SLC35D4: variants seen among roughly 807,000 people sequenced by gnomAD.
SLC35D4 encodes the protein solute carrier family 35 member D4.
chr18:23,255,479 T>C, the SLC35D4 span, among the ~76,000 whole-genome samples: 2 of 152,046 alleles, frequency 1.3e-5, no homozygotes, highest in African/African-American at 4.8e-5. Context: ...AGTAAATACA[T>C]GAACCCAGAA....
the SLC35D4 span, chr18:23,368,889 T>A: frequency 1.2e-5 from 7 of 577,530 alleles, no homozygotes; most frequent in Non-Finnish European, 2.1e-5. Flanking sequence ...GGGAAAAGTA[T>A]TTAATATTCA....
the SLC35D4 span, among the ~76,000 whole-genome samples, chr18:23,351,454 G>T: frequency 6.6e-6 from 1 of 151,908 alleles, no homozygotes; most frequent in Non-Finnish European, 1.5e-5. Context: ...AAATGCATGG[G>T]GGTGAAAATA....
the SLC35D4 span, among the ~76,000 whole-genome samples, chr18:23,304,433 TAATAA>T: frequency 6.8e-6 from 1 of 147,750 alleles, no homozygotes; most frequent in East Asian, 1.9e-4. Context: ...AAATGTAATA[TAATAA>T]AATATATATA....
the SLC35D4 span, among the ~76,000 whole-genome samples, chr18:23,426,614 T>G: frequency 6.6e-6 from 1 of 152,298 alleles, no homozygotes; most frequent in Admixed American, 6.5e-5. Flanking sequence ...ATAGATTCAA[T>G]GCCATCCCCA....
At chr18:23,325,736 A>G in the SLC35D4 span, among the ~76,000 whole-genome samples, 1 of 152,190 alleles carries the variant, frequency 6.6e-6, no homozygotes, top group Non-Finnish European at 1.5e-5. Flanking sequence ...TCCAATGTAT[A>G]AAGTACCCCT....
chr18:23,285,971 T>C, the SLC35D4 span, among the ~76,000 whole-genome samples: 7 of 152,284 alleles, frequency 4.6e-5, no homozygotes, highest in East Asian at 1.4e-3. Flanking sequence ...CGTTCATGGC[T>C]CGTTTGGCAG....
At chr18:23,319,357 G>A in the SLC35D4 span, among the ~76,000 whole-genome samples, 1 of 151,712 alleles carries the variant, frequency 6.6e-6, no homozygotes, top group Non-Finnish European at 1.5e-5. Context: ...TGCAACCTCT[G>A]CCTCCTAGGT....
At chr18:23,313,357 C>G in the SLC35D4 span, among the ~76,000 whole-genome samples, 2 of 150,310 alleles carry the variant, frequency 1.3e-5, no homozygotes, top group African/African-American at 4.9e-5. Context: ...AAGCCCAAAA[C>G]AAGCATTTAA....
the SLC35D4 span, among the ~76,000 whole-genome samples, chr18:23,251,490 A>G: frequency 6.6e-6 from 1 of 152,110 alleles, no homozygotes; most frequent in Non-Finnish European, 1.5e-5. Context: ...AGTCAGCCAA[A>G]AAAGACCCAG....
At chr18:23,413,956 TAA>T in the SLC35D4 span, among the ~76,000 whole-genome samples, 1 of 133,436 alleles carries the variant, frequency 7.5e-6, no homozygotes, top group Admixed American at 7.8e-5. Context: ...AAAAAAAAAT[TAA>T]AAAAAAAAAA....
chr18:23,341,748 G>C, the SLC35D4 span, among the ~76,000 whole-genome samples: 1 of 152,160 alleles, frequency 6.6e-6, no homozygotes, highest in Admixed American at 6.5e-5. Flanking sequence ...GAGAGAGAGA[G>C]GGGAGATTGC....
At chr18:23,298,138 C>T in the SLC35D4 span, 1 of 1,576,216 alleles carries the variant, frequency 6.3e-7, no homozygotes, top group Non-Finnish European at 8.7e-7. Context: ...CCCACATACG[C>T]AGGGCAAGGG....
At chr18:23,282,445 G>A in the SLC35D4 span, among the ~76,000 whole-genome samples, 1 of 152,216 alleles carries the variant, frequency 6.6e-6, no homozygotes, top group Non-Finnish European at 1.5e-5. Flanking sequence ...CGGCTCACTG[G>A]GGAGCACGGA....
At chr18:23,288,899 G>C in the SLC35D4 span, among the ~76,000 whole-genome samples, 13 of 152,234 alleles carry the variant, frequency 8.5e-5, no homozygotes, top group Admixed American at 8.5e-4. Context: ...ACCTCACCAA[G>C]CTCAGCCACC....
At chr18:23,377,557 G>C in the SLC35D4 span, 5 of 1,250,016 alleles carry the variant, frequency 4.0e-6, no homozygotes, top group Admixed American at 1.1e-4. Context: ...CCACCTCTTA[G>C]AGTATGAATC....
chr18:23,249,338 G>A, the SLC35D4 span, among the ~76,000 whole-genome samples: 3 of 152,238 alleles, frequency 2.0e-5, no homozygotes, highest in Non-Finnish European at 4.4e-5. Context: ...CGAGTCCTGG[G>A]GAGAAGCAGC....
chr18:23,256,474 G>C, the SLC35D4 span, among the ~76,000 whole-genome samples: 2 of 152,140 alleles, frequency 1.3e-5, no homozygotes, highest in Non-Finnish European at 2.9e-5. Flanking sequence ...TGCGTGGTTT[G>C]CTTTATTATT....
chr18:23,430,601 A>T, the SLC35D4 span: 1 of 1,562,166 alleles, frequency 6.4e-7, no homozygotes, highest in South Asian at 1.2e-5. Flanking sequence ...TTTCCTAAAA[A>T]TGTATATAAA....
chr18:23,374,440 C>G, the SLC35D4 span, among the ~76,000 whole-genome samples: 2 of 151,654 alleles, frequency 1.3e-5, no homozygotes, highest in African/African-American at 4.8e-5. Context: ...CAATAAAAAA[C>G]TGAGGAACTG....
Sources: allele counts gnomAD v4.1 joint callset (sites outside exome capture counted in the v4.1 genomes callset), GRCh38; gene constraint gnomAD v4.1.1; transcripts MANE v1.5; gene names NCBI Gene and HGNC (gene_info 2026-07-23, HGNC 2026-07-21).